RCBTB1: variants seen among roughly 807,000 people sequenced by gnomAD.
The protein encoded by RCBTB1 is RCC1 and BTB domain containing protein 1.
RCBTB1 carries 46 observed loss-of-function variants against 62.4 expected under a neutral mutation model. The ratio of observed to expected loss-of-function variants is 0.74; its 90% CI spans 0.58 to 0.94. The LOEUF (loss-of-function observed/expected upper bound fraction) is 0.94, where lower values mean the gene tolerates loss of function less well. RCBTB1 is among the 40% of genes least tolerant of loss of function. The pLI, the probability that RCBTB1 is intolerant of heterozygous loss-of-function variation, is 0.00. For synonymous variants in RCBTB1, 222 were observed against 245.8 expected, an observed-to-expected ratio of 0.90 and a Z score of 0.91; for missense variants, 565 against 654.9, an observed-to-expected ratio of 0.86 and a Z score of 1.50.
chr13:49,542,925 A>G (rs927374839), intron 10 of RCBTB1, among the ~76,000 whole-genome samples: 1 of 152,250 alleles, frequency 6.6e-6, no homozygotes, highest in Non-Finnish European at 1.5e-5. Flanking sequence ...TCTAAAAATC[A>G]TATTTTTAAA....
At chr13:49,559,152 A>C (rs1197834306) in intron 5 of RCBTB1, among the ~76,000 whole-genome samples, 1 of 152,242 alleles carries the variant, frequency 6.6e-6, no homozygotes, top group Non-Finnish European at 1.5e-5. Flanking sequence ...CCAAGAATCT[A>C]TCAATGACAT....
Position 49,568,746 on chromosome 13 carries a change from T to C in RCBTB1, c.-41-1426A>G, listed in dbSNP as rs184388198. The stretch of plus-strand genomic sequence containing the variant: ...GAGATCGAGACCATCCTGACCAACA[T>C]GGTGAAACCTTATCTCTACTAAAAA... On this transcript the variant is annotated intron_variant, in intron 2 of 12. Coordinates refer to ENST00000378302, the MANE Select transcript of RCBTB1 (RefSeq NM_018191.4). 3.3e-5 allele frequency among the ~76,000 whole-genome samples: 5 copies of C among 152,112 alleles called. No individual in the cohort carries two copies. The East Asian group carries it at 5.8e-4, about 18-fold the overall frequency.
chr13:49,548,481 C>G (rs1961022766), intron 9 of RCBTB1, among the ~76,000 whole-genome samples: 1 of 150,388 alleles, frequency 6.6e-6, no homozygotes, highest in Non-Finnish European at 1.5e-5. Flanking sequence ...TGCTTAAGAA[C>G]AGGCTACCCA....
intron 12 of RCBTB1, among the ~76,000 whole-genome samples, chr13:49,536,386 C>T (rs1959946312): frequency 6.6e-6 from 1 of 152,170 alleles, no homozygotes; most frequent in Non-Finnish European, 1.5e-5. Context: ...AACCAGTGCC[C>T]AGGGTTGGTT....
chr13:49,563,828 G>C (rs1962679212), intron 4 of RCBTB1, among the ~76,000 whole-genome samples: 1 of 152,204 alleles, frequency 6.6e-6, no homozygotes, highest in Non-Finnish European at 1.5e-5. Context: ...AGAACTTGAA[G>C]TAGATTCAGT....
At position 49,560,056 on chromosome 13, in the gene RCBTB1, A is replaced by C. The variant is rs1224366113; in HGVS notation, c.306T>G (p.Asn102Lys). The C allele has an allele frequency of 6.2e-7, 1 of 1,613,866 alleles. No individual in the cohort carries two copies. The highest frequency in any genetic ancestry group is 8.5e-7 in the Non-Finnish European group (1 of 1,179,988). Residue 102 changes from asparagine to lysine, a missense_variant, in exon 5 of 13, where the codon AAT becomes AAG. Asn to Lys is a moderately conservative substitution (Grantham distance 94, BLOSUM62 0). Transcript: ENST00000378302. ...TCCCATTCCCAAGCTGGCTATATCC[A>C]TTGTGGCCCCAGGCATAAACCACTC... ...EDGVVYAWGH[N>K]GYSQLGNGTT...
At chr13:49,538,889 T>TC (rs71078860) in intron 12 of RCBTB1, among the ~76,000 whole-genome samples, 77,376 of 137,546 alleles carry the variant, frequency 0.56, 20,955 homozygotes, top group Middle Eastern at 0.65. Context: ...TTTTTTTAAC[T>TC]TTTTTTTTTT....
chr13:49,551,471 G>A lies in RCBTB1; in HGVS notation c.712-3C>T. The A allele has an allele frequency of 6.2e-7, 1 of 1,613,988 alleles. No homozygotes were observed. The highest frequency in any genetic ancestry group is 8.5e-7 in the Non-Finnish European group (1 of 1,179,952). Reference sequence around the variant, plus strand: ...GTATGTGCGTAACCGCAGACAATCTGCAAGTAAATTGAAACGGTTACCATT... The same window carrying A: ...GTATGTGCGTAACCGCAGACAATCTACAAGTAAATTGAAACGGTTACCATT... On this transcript the variant is annotated splice_region_variant and splice_polypyrimidine_tract_variant and intron_variant, in intron 7 of 12. Transcript: ENST00000378302.
intron 9 of RCBTB1, among the ~76,000 whole-genome samples, chr13:49,547,949 GGTTA>G (rs1199400628): frequency 2.2e-5 from 1 of 45,462 alleles, no homozygotes; most frequent in Admixed American, 2.5e-4. Context: ...CACCACTCCT[GGTTA>G]TTTTTTGTAG....
intron 10 of RCBTB1, 27 bp downstream of exon 10, chr13:49,544,710 G>T: frequency 6.4e-7 from 1 of 1,572,974 alleles, no homozygotes; most frequent in African/African-American, 1.4e-5. Flanking sequence ...TCAAGTTATT[G>T]ATGTCTCTGA....
intron 6 of RCBTB1, among the ~76,000 whole-genome samples, chr13:49,554,068 G>A (rs1009676609): frequency 6.6e-6 from 1 of 152,122 alleles, no homozygotes; most frequent in African/African-American, 2.4e-5. Context: ...CCGCATAAAT[G>A]GTCTGATCAC....
intron 1 of RCBTB1, among the ~76,000 whole-genome samples, chr13:49,581,367 G>A (rs556944533): frequency 4.3e-4 from 66 of 152,338 alleles, no homozygotes; most frequent in African/African-American, 1.2e-3. Flanking sequence ...AGGCAGAGCC[G>A]AAGATCACAG....
chr13:49,564,092 G>A (rs1363504577), intron 4 of RCBTB1, among the ~76,000 whole-genome samples: 1 of 152,102 alleles, frequency 6.6e-6, no homozygotes, highest in African/African-American at 2.4e-5. Context: ...AGTACAGATC[G>A]ATTACACACA....
intron 4 of RCBTB1, among the ~76,000 whole-genome samples, chr13:49,561,313 G>A (rs1425656198): frequency 6.6e-6 from 1 of 152,196 alleles, no homozygotes; most frequent in African/African-American, 2.4e-5. Context: ...ACTGTAGAAC[G>A]AAGACAGCCC....
rs1961137602 is a variant in RCBTB1 at position 49,549,503 on chromosome 13, C to T, written c.1000G>A (p.Ala334Thr). ...GAGACGGCGGGAGTGGCAAAGCAGG[C>T]AAACACGTCGTCGGTGCAGGAGAAG... ...THFSCTDDVF[A>T]CFATPAVSWR... The change falls in exon 9 of 13, where the codon GCC becomes ACC. Residue 334 changes from alanine to threonine, a missense_variant. Coordinates refer to ENST00000378302, the MANE Select transcript of RCBTB1 (RefSeq NM_018191.4). The T allele has an allele frequency of 6.2e-7, 1 of 1,613,448 alleles. No homozygotes were observed. The highest frequency in any genetic ancestry group is 1.7e-5 in the Admixed American group (1 of 59,972).
Position 49,551,465 on chromosome 13 carries a change from C to T in RCBTB1, c.715G>A (p.Val239Ile). 1 of 1,613,958 alleles carries T rather than the reference C, an allele frequency of 6.2e-7. No individual in the cohort carries two copies. Among genetic ancestry groups the T allele is most frequent in the Non-Finnish European group, 8.5e-7 (1 of 1,179,940 alleles). Residue 239 changes from valine to isoleucine, a missense_variant, in exon 8 of 13, where the codon GTC becomes ATC. By Grantham distance (29) the Val-to-Ile change is conservative (BLOSUM62 3). Transcript: ENST00000378302. The stretch of plus-strand genomic sequence containing the variant: ...GCTAGAGTATGTGCGTAACCGCAGA[C>T]AATCTGCAAGTAAATTGAAACGGTT... ...ALHSVCVNQI[V>I]CGYAHTLALT...
intron 12 of RCBTB1, among the ~76,000 whole-genome samples, chr13:49,537,564 T>C (rs184762106): frequency 1.2e-4 from 19 of 152,344 alleles, no homozygotes; most frequent in African/African-American, 4.3e-4. Context: ...AAGATATAAG[T>C]TGCTTAGCAC....
chr13:49,544,688 A>G (rs1960662111), intron 10 of RCBTB1, 49 bp downstream of exon 10: 2 of 1,525,192 alleles, frequency 1.3e-6, no homozygotes, highest in Non-Finnish European at 1.8e-6. Flanking sequence ...TGGAATAACA[A>G]AGAAAGAAAA....
In RCBTB1 at chr13:49,545,640, A is replaced by C. The variant is rs916550755; in HGVS notation, c.1046-777T>G. 3.0e-4 allele frequency among the ~76,000 whole-genome samples: 46 copies of C among 152,354 alleles called. 4 individuals are homozygous for C. The highest frequency in any genetic ancestry group is 2.1e-3 in the Admixed American group (32 of 15,302). ...TGTTTTATATGTATGAAAGAAGAAA[A>C]GAAGCAGAAAAGGGCTAATGGGGAA... On this transcript the variant is annotated intron_variant, in intron 9 of 12. Transcript: ENST00000378302.
Sources: allele counts gnomAD v4.1 joint callset (sites outside exome capture counted in the v4.1 genomes callset), GRCh38; gene constraint gnomAD v4.1.1; transcripts MANE v1.5; gene names NCBI Gene and HGNC (gene_info 2026-07-23, HGNC 2026-07-21).